PHF21A: variants seen among roughly 807,000 people sequenced by gnomAD.
PHF21A encodes BHC80a.
Under a neutral mutation model 82.5 loss-of-function variants are expected in PHF21A, and 11 were observed. The observed-to-expected ratio is 0.13, with a 90% CI of 0.08 to 0.22. PHF21A has a LOEUF of 0.22. Among genes scored for constraint, PHF21A ranks in the 10% least tolerant of loss-of-function variants. The probability of loss-of-function intolerance (pLI) is 1.00; values close to 1 mark genes in which losing one functional copy is unlikely to be tolerated. For synonymous variants in PHF21A, 297 were observed against 302.8 expected (o/e 0.98, Z 0.20); for missense variants, 579 against 837.8 (o/e 0.69, Z 3.81).
In PHF21A at chr11:45,936,585, G is replaced by T; in HGVS notation, c.1609-16C>A. The T allele has an allele frequency of 6.3e-7, 1 of 1,583,192 alleles. No individual in the cohort carries two copies. Among genetic ancestry groups the T allele is most frequent in the Non-Finnish European group, 8.7e-7 (1 of 1,152,188 alleles). On this transcript the variant is annotated splice_polypyrimidine_tract_variant and intron_variant, in intron 16 of 18. Coordinates refer to ENST00000676320, the MANE Select transcript of PHF21A (RefSeq NM_001352027.3). ...TCTTCAGCATCTGAAAAGATTTTTA[G>T]AATTTTACCTTGAGAAGGAGGTTTA... is the stretch of plus-strand genomic sequence containing the variant.
rs1188808789 is a variant in PHF21A at position 46,056,130 on chromosome 11, T to C, written c.153+20624A>G. 1.4e-4 allele frequency among the ~76,000 whole-genome samples: 21 copies of C among 152,188 alleles called. 1 individual carries two copies. The highest frequency in any genetic ancestry group is 3.1e-4 in the Non-Finnish European group (21 of 68,024). On this transcript the variant is annotated intron_variant, in intron 6 of 18. Coordinates refer to ENST00000676320, the MANE Select transcript of PHF21A (RefSeq NM_001352027.3). ...CCTATCTTAAAGTAACAAAATACCC[T>C]TTATGTAATTTAATGCCTCCGGTTT...
At chr11:46,038,564 A>T (rs2096064046) in intron 6 of PHF21A, among the ~76,000 whole-genome samples, 1 of 152,196 alleles carries the variant, frequency 6.6e-6, no homozygotes, top group South Asian at 2.1e-4. Context: ...AATACCTGAA[A>T]CTAGGTAATT....
In PHF21A at chr11:46,085,928, C is replaced by T. The variant is rs570429036; in HGVS notation, c.-83-1626G>A. On this transcript the variant is annotated intron_variant, in intron 3 of 18. Transcript: ENST00000676320. ...CTAGATTATATAACATCAAAATACT[C>T]AAACCTAAAAAAGAATAAATTCCAA... Among the ~76,000 whole-genome samples, 2 of 151,764 alleles carry T rather than the reference C, an allele frequency of 1.3e-5. 1 individual carries two copies. The highest frequency in any genetic ancestry group is 3.8e-4 in the East Asian group (2 of 5,196).
In PHF21A at chr11:45,930,361, T is replaced by G. The variant is rs1467747767; in HGVS notation, c.*3607A>C. The G allele has an allele frequency of 6.6e-6, 1 of 152,368 alleles. No homozygotes were observed. Among genetic ancestry groups the G allele is most frequent in the African/African-American group, 2.4e-5 (1 of 41,458 alleles). The allele number at this position is 152,368 out of a possible 1,614,324, so 9.4% of individuals were successfully genotyped here. A position where few individuals can be genotyped will look rare whatever the true frequency, so the allele number is the denominator to read the frequency against. ...GCAGCAGGGACAGAGAGGCAGGTGT[T>G]GCAGGGAAACCAGGCACACGATGGT... On this transcript the variant is annotated 3_prime_UTR_variant, in exon 19 of 19. Transcript: ENST00000676320.
At chr11:45,982,799 A>C (rs1022623678) in intron 6 of PHF21A, among the ~76,000 whole-genome samples, 2 of 152,340 alleles carry the variant, frequency 1.3e-5, no homozygotes, top group East Asian at 3.9e-4. Flanking sequence ...AAAACCCAAA[A>C]CAGATCAAAT....
chr11:46,044,569 CA>C (rs2096224345), intron 6 of PHF21A, among the ~76,000 whole-genome samples: 2 of 152,122 alleles, frequency 1.3e-5, no homozygotes, highest in Non-Finnish European at 2.9e-5. Context: ...TCGGGCAACC[CA>C]GATTAGGAAG....
chr11:46,096,455 T>C (rs769938535), intron 1 of PHF21A, among the ~76,000 whole-genome samples: 2 of 152,182 alleles, frequency 1.3e-5, no homozygotes, highest in Non-Finnish European at 2.9e-5. Flanking sequence ...CCCTCCATTC[T>C]TGTGAAGATC....
chr11:45,982,225 G>A (rs1427518423), intron 6 of PHF21A, among the ~76,000 whole-genome samples: 1 of 151,918 alleles, frequency 6.6e-6, no homozygotes, highest in African/African-American at 2.4e-5. Context: ...CCAAAGTGCT[G>A]GGATTATAGG....
chr11:45,943,121 CT>C (rs3061870), intron 15 of PHF21A, among the ~76,000 whole-genome samples: 14 of 112,116 alleles, frequency 1.2e-4, no homozygotes, highest in Admixed American at 4.7e-4. Context: ...TCTTTCTTTC[CT>C]TTTTTTTTTT....
intron 1 of PHF21A, among the ~76,000 whole-genome samples, chr11:46,094,167 T>C (rs955131810): frequency 6.6e-6 from 1 of 152,214 alleles, no homozygotes; most frequent in African/African-American, 2.4e-5. Context: ...TAAATGCTGC[T>C]GAAAAGTCAT....
At chr11:46,049,717 C>A (rs1005096143) in intron 6 of PHF21A, among the ~76,000 whole-genome samples, 5 of 152,194 alleles carry the variant, frequency 3.3e-5, no homozygotes, top group Non-Finnish European at 7.3e-5. Flanking sequence ...GTCCCCTCCA[C>A]GTTCCATATT....
intron 6 of PHF21A, among the ~76,000 whole-genome samples, chr11:46,002,855 C>T (rs965556284): frequency 6.6e-6 from 1 of 151,840 alleles, no homozygotes; most frequent in Non-Finnish European, 1.5e-5. Flanking sequence ...GTCTCTAGAA[C>T]AAAGCAAAAC....
intron 6 of PHF21A, among the ~76,000 whole-genome samples, chr11:46,023,213 T>G (rs1287377006): frequency 6.6e-6 from 1 of 152,238 alleles, no homozygotes; most frequent in Non-Finnish European, 1.5e-5. Context: ...TATGAAAGGA[T>G]GCAGTTTAAG....
chr11:46,022,813 C>A (rs917026427), intron 6 of PHF21A, among the ~76,000 whole-genome samples: 7 of 152,028 alleles, frequency 4.6e-5, no homozygotes, highest in Non-Finnish European at 8.8e-5. Flanking sequence ...GACGGAGTCT[C>A]GGTCTATTAC....
chr11:46,046,925 C>G (rs983210247), intron 6 of PHF21A, among the ~76,000 whole-genome samples: 1 of 152,200 alleles, frequency 6.6e-6, no homozygotes, highest in African/African-American at 2.4e-5. Context: ...ATTCAGAAGT[C>G]TGAGCTGTTT....
intron 6 of PHF21A, among the ~76,000 whole-genome samples, chr11:45,981,387 T>G (rs1479203958): frequency 1.0e-5 from 1 of 98,264 alleles, no homozygotes; most frequent in Non-Finnish European, 2.0e-5. Flanking sequence ...AGTGAAACCC[T>G]GTCTCAAAAA....
intron 6 of PHF21A, among the ~76,000 whole-genome samples, chr11:46,005,110 A>T (rs765874631): frequency 6.6e-6 from 1 of 152,196 alleles, no homozygotes; most frequent in African/African-American, 2.4e-5. Flanking sequence ...AGTTACCAAG[A>T]GCAACCGCAG....
At chr11:46,050,580 G>A (rs998612422) in intron 6 of PHF21A, among the ~76,000 whole-genome samples, 2 of 152,202 alleles carry the variant, frequency 1.3e-5, no homozygotes, top group African/African-American at 4.8e-5. Flanking sequence ...GGGGAATGAA[G>A]TAGGTACTTC....
intron 6 of PHF21A, among the ~76,000 whole-genome samples, chr11:46,020,855 C>T (rs1360174105): frequency 6.6e-6 from 1 of 152,196 alleles, no homozygotes; most frequent in Non-Finnish European, 1.5e-5. Flanking sequence ...AAGCGATATG[C>T]ATTCAGTAAG....
Sources: allele counts gnomAD v4.1 joint callset (sites outside exome capture counted in the v4.1 genomes callset), GRCh38; gene constraint gnomAD v4.1.1; transcripts MANE v1.5; gene names NCBI Gene and HGNC (gene_info 2026-07-23, HGNC 2026-07-21).